The following PRKD1 variants were observed in gnomAD, a reference collection of about 807,000 sequenced individuals.
PRKD1 encodes the protein serine/threonine-protein kinase D1.
In PRKD1, 63 loss-of-function variants were observed where a neutral mutation model predicts 95.9. The observed-to-expected ratio is 0.66, with a 90% CI of 0.54 to 0.81. PRKD1 has a LOEUF of 0.81. Among genes scored for constraint, PRKD1 ranks in the 30% least tolerant of loss-of-function variants. The pLI, the probability that PRKD1 is intolerant of heterozygous loss-of-function variation, is 0.00. For synonymous variants in PRKD1, 425 were observed against 423.1 expected (o/e 1.00, Z -0.05); for missense variants, 1,048 against 1,165.3 (o/e 0.90, Z 1.47).
intron 2 of PRKD1, among the ~76,000 whole-genome samples, chr14:29,691,760 C>T (rs1884250419): frequency 6.6e-6 from 1 of 152,058 alleles, no homozygotes; most frequent in South Asian, 2.1e-4. Flanking sequence ...TAGGTATGTA[C>T]AAAGGGTAAA....
At chr14:29,819,994 A>C (rs1890848105) in intron 1 of PRKD1, among the ~76,000 whole-genome samples, 1 of 152,214 alleles carries the variant, frequency 6.6e-6, no homozygotes, top group Non-Finnish European at 1.5e-5. Context: ...TTCAAGTCTC[A>C]AAAGATGTTG....
At chr14:29,874,382 T>C (rs535792142) in intron 1 of PRKD1, among the ~76,000 whole-genome samples, 8 of 152,180 alleles carry the variant, frequency 5.3e-5, no homozygotes, top group Non-Finnish European at 1.2e-4. Flanking sequence ...GGTGGGAATG[T>C]AAATTAGTAT....
chr14:29,850,019 C>G (rs768096294), intron 1 of PRKD1, among the ~76,000 whole-genome samples: 2 of 151,842 alleles, frequency 1.3e-5, no homozygotes, highest in Admixed American at 1.3e-4. Flanking sequence ...TGATGAAAAC[C>G]CTCAAAAAAT....
chr14:29,833,317 T>C (rs995202891), intron 1 of PRKD1, among the ~76,000 whole-genome samples: 1 of 152,104 alleles, frequency 6.6e-6, no homozygotes, highest in Non-Finnish European at 1.5e-5. Context: ...TTATTTTCTT[T>C]CAATATAAGA....
At chr14:29,888,614 T>C (rs1009619641) in intron 1 of PRKD1, among the ~76,000 whole-genome samples, 1 of 152,128 alleles carries the variant, frequency 6.6e-6, no homozygotes, top group African/African-American at 2.4e-5. Flanking sequence ...GTCTATGACA[T>C]CTAAGTTGAC....
intron 16 of PRKD1, among the ~76,000 whole-genome samples, chr14:29,584,821 G>A (rs1179598680): frequency 1.3e-5 from 2 of 151,362 alleles, no homozygotes; most frequent in Admixed American, 1.3e-4. Context: ...GATGCTGAGT[G>A]TAACTGCCAT....
intron 13 of PRKD1, among the ~76,000 whole-genome samples, chr14:29,621,479 G>A (rs1464639772): frequency 2.7e-5 from 4 of 149,752 alleles, no homozygotes; most frequent in African/African-American, 4.9e-5. Flanking sequence ...TTCATTTGGG[G>A]GACATGATTA....
intron 2 of PRKD1, among the ~76,000 whole-genome samples, chr14:29,675,123 C>G (rs894581669): frequency 1.3e-5 from 2 of 152,168 alleles, no homozygotes; most frequent in African/African-American, 2.4e-5. Flanking sequence ...AAGGAGGGAA[C>G]TTGGTACTTA....
intron 1 of PRKD1, among the ~76,000 whole-genome samples, chr14:29,727,510 G>A (rs1886218857): frequency 6.6e-6 from 1 of 151,438 alleles, no homozygotes; most frequent in East Asian, 1.9e-4. Flanking sequence ...TTTTCTTCTA[G>A]GGTTTTTATG....
intron 9 of PRKD1, 92 bp from the exon 10 acceptor site, chr14:29,631,113 C>T (rs1193351443): frequency 4.4e-6 from 5 of 1,147,010 alleles, no homozygotes; most frequent in Non-Finnish European, 6.1e-6. Flanking sequence ...AAAATGACAT[C>T]ACAAATAGCC....
At chr14:29,667,831 C>T (rs527868446) in intron 2 of PRKD1, among the ~76,000 whole-genome samples, 2 of 151,944 alleles carry the variant, frequency 1.3e-5, no homozygotes, top group Admixed American at 6.6e-5. Flanking sequence ...ATACAAATAC[C>T]AAGCTGGATT....
intron 1 of PRKD1, among the ~76,000 whole-genome samples, chr14:29,779,999 C>G (rs879767286): frequency 1.3e-5 from 2 of 152,320 alleles, no homozygotes; most frequent in Middle Eastern, 3.4e-3. Flanking sequence ...CTACAACCAT[C>G]TGATCTTTGA....
chr14:29,885,713 C>T (rs1274288570), intron 1 of PRKD1, among the ~76,000 whole-genome samples: 1 of 149,224 alleles, frequency 6.7e-6, no homozygotes, highest in South Asian at 2.1e-4. Flanking sequence ...CACCTTTAAT[C>T]CCCAGCATTT....
At position 29,684,155 on chromosome 14, in the gene PRKD1, T is replaced by C. The variant is rs535728244; in HGVS notation, c.404-17947A>G. ...TTTCTTTAGAATGGTTTTTTTTTTT[T>C]TTTTCTTTTTTCTGAGATGGAGTCT... is the stretch of plus-strand genomic sequence containing the variant. On this transcript the variant is annotated intron_variant, in intron 2 of 17. Transcript: ENST00000331968. 1.8e-4 allele frequency among the ~76,000 whole-genome samples: 27 copies of C among 151,290 alleles called. No individual in the cohort carries two copies. The South Asian group carries it at 5.7e-3, about 32-fold the overall frequency.
At chr14:29,790,232 G>A (rs771396897) in intron 1 of PRKD1, among the ~76,000 whole-genome samples, 3 of 151,464 alleles carry the variant, frequency 2.0e-5, no homozygotes, top group South Asian at 2.1e-4. Flanking sequence ...GGATGGTCTC[G>A]ATCTCTTGAC....
chr14:29,703,153 C>A (rs530813825), intron 2 of PRKD1, among the ~76,000 whole-genome samples: 1 of 152,250 alleles, frequency 6.6e-6, no homozygotes, highest in East Asian at 1.9e-4. Flanking sequence ...ATTTACCAAT[C>A]CTCAACTCAA....
In PRKD1 at chr14:29,725,543, G is replaced by A; in HGVS notation, c.396C>T (p.Val132=). Residue 132 remains valine, a synonymous_variant, in exon 2 of 18, where the codon GTC becomes GTT. Coordinates refer to ENST00000331968, the MANE Select transcript of PRKD1 (RefSeq NM_002742.3). ...GGTATAAAAGTATACTACCTGACAA[G>A]ACCACTTCAATAAGATCGCCTTCCT... ...DIQEGDLIEV[V]LSASATFEDF... is the part of the protein sequence containing the mutation. 3 of 1,613,394 alleles carry A rather than the reference G, an allele frequency of 1.9e-6. No individual in the cohort carries two copies. The highest frequency in any genetic ancestry group is 2.5e-6 in the Non-Finnish European group (3 of 1,179,564).
intron 13 of PRKD1, among the ~76,000 whole-genome samples, chr14:29,609,531 CACACACAT>C (rs1176981439): frequency 0.014 from 2,150 of 148,432 alleles, 61 homozygotes; most frequent in African/African-American, 0.052. Context: ...CACACACACA[CACACACAT>C]ATATATATTT....
intron 16 of PRKD1, among the ~76,000 whole-genome samples, chr14:29,583,738 A>AT (rs1294809838): frequency 6.6e-6 from 1 of 152,046 alleles, no homozygotes; most frequent in African/African-American, 2.4e-5. Context: ...GTACATTTCC[A>AT]TTTTAAAATT....
Sources: allele counts gnomAD v4.1 joint callset (sites outside exome capture counted in the v4.1 genomes callset), GRCh38; gene constraint gnomAD v4.1.1; transcripts MANE v1.5; gene names NCBI Gene and HGNC (gene_info 2026-07-23, HGNC 2026-07-21).